The following FBXL7 variants were observed in gnomAD, a reference collection of about 807,000 sequenced individuals.
FBXL7 encodes the protein F-box and leucine rich repeat protein 7.
A neutral mutation model predicts 38.3 loss-of-function variants in FBXL7; 12 were observed. That is an observed-to-expected ratio of 0.31 (90% CI 0.20 to 0.51). The LOEUF (loss-of-function observed/expected upper bound fraction) is 0.51. Among genes scored for constraint, FBXL7 ranks in the 20% least tolerant of loss-of-function variants. FBXL7 has a pLI of 0.98. For synonymous variants in FBXL7, 297 were observed against 300.9 expected, an observed-to-expected ratio of 0.99 and a Z score of 0.13; for missense variants, 567 against 676.4, an observed-to-expected ratio of 0.84 and a Z score of 1.79.
chr5:15,660,427 G>A (rs1267478106), intron 2 of FBXL7, among the ~76,000 whole-genome samples: 1 of 152,196 alleles, frequency 6.6e-6, no homozygotes, highest in Non-Finnish European at 1.5e-5. Flanking sequence ...CGTGGTCTCG[G>A]CTCACTGCAA....
intron 2 of FBXL7, among the ~76,000 whole-genome samples, chr5:15,809,625 A>T (rs1737805216): frequency 6.6e-6 from 1 of 152,024 alleles, no homozygotes; most frequent in Non-Finnish European, 1.5e-5. Flanking sequence ...AATGCTTTAT[A>T]CTCCTAGAAA....
At chr5:15,714,722 G>A (rs529948205) in intron 2 of FBXL7, among the ~76,000 whole-genome samples, 9 of 151,986 alleles carry the variant, frequency 5.9e-5, no homozygotes, top group African/African-American at 1.4e-4. Flanking sequence ...GGTGGCGGGC[G>A]CCTGTAGTCC....
In FBXL7 at chr5:15,571,697, C is replaced by CT. The variant is rs1439726195; in HGVS notation, c.38-44286_38-44285insT. On this transcript the variant is annotated intron_variant, in intron 1 of 3. Transcript: ENST00000504595. ...TGGGTCTGGAGTTGCCCTGGGTCCA[C>CT]CTCAATGCCATAAGGGAAGAGTGCT... is the stretch of plus-strand genomic sequence containing the variant. 3.3e-4 allele frequency among the ~76,000 whole-genome samples: 50 copies of CT among 152,108 alleles called. 1 individual carries two copies. The highest frequency in any genetic ancestry group is 6.2e-4 in the South Asian group (3 of 4,824).
chr5:15,602,289 G>A (rs900197940), intron 1 of FBXL7: 16 of 151,928 alleles, frequency 1.1e-4, no homozygotes, highest in African/African-American at 3.9e-4. Context: ...TAGGTAGTTC[G>A]GAGGTTCTAC....
At chr5:15,849,851 G>C (rs984640885) in intron 2 of FBXL7, among the ~76,000 whole-genome samples, 1 of 152,106 alleles carries the variant, frequency 6.6e-6, no homozygotes, top group Non-Finnish European at 1.5e-5. Context: ...CTTCTGCCTC[G>C]TCTGTTTTTA....
At chr5:15,575,424 A>T (rs1045334710) in intron 1 of FBXL7, among the ~76,000 whole-genome samples, 3 of 152,152 alleles carry the variant, frequency 2.0e-5, no homozygotes, top group African/African-American at 7.2e-5. Context: ...TCACACAAAC[A>T]AGAGTGTTTT....
chr5:15,559,540 G>A (rs901851668), intron 1 of FBXL7, among the ~76,000 whole-genome samples: 4 of 152,164 alleles, frequency 2.6e-5, no homozygotes, highest in Non-Finnish European at 5.9e-5. Flanking sequence ...CTCTAAAAAC[G>A]ATCCTAAAAT....
At chr5:15,567,837 A>G (rs1005917652) in intron 1 of FBXL7, among the ~76,000 whole-genome samples, 3 of 151,868 alleles carry the variant, frequency 2.0e-5, no homozygotes, top group African/African-American at 4.8e-5. Context: ...ATGAGTGAGA[A>G]CATACAGTGT....
intron 1 of FBXL7, among the ~76,000 whole-genome samples, chr5:15,561,870 G>T (rs1379828378): frequency 1.3e-5 from 2 of 152,058 alleles, no homozygotes; most frequent in African/African-American, 2.4e-5. Flanking sequence ...CACATTTCTT[G>T]ATTTCAAATT....
chr5:15,588,940 A>G (rs931255628), intron 1 of FBXL7, among the ~76,000 whole-genome samples: 1 of 152,136 alleles, frequency 6.6e-6, no homozygotes, highest in Non-Finnish European at 1.5e-5. Context: ...TCCTTCTAAC[A>G]CAGCTAATCT....
intron 2 of FBXL7, among the ~76,000 whole-genome samples, chr5:15,889,236 A>G (rs190542592): frequency 1.3e-5 from 2 of 152,318 alleles, no homozygotes; most frequent in Admixed American, 1.3e-4. Flanking sequence ...TTCAGTGGTT[A>G]AAGATTCACA....
At chr5:15,582,699 T>G (rs1424285394) in intron 1 of FBXL7, among the ~76,000 whole-genome samples, 1 of 152,206 alleles carries the variant, frequency 6.6e-6, no homozygotes, top group Non-Finnish European at 1.5e-5. Context: ...TTCTGGGAAG[T>G]CTTAGGTGAA....
At chr5:15,922,301 T>A in intron 2 of FBXL7, among the ~76,000 whole-genome samples, 1 of 152,166 alleles carries the variant, frequency 6.6e-6, no homozygotes, top group Non-Finnish European at 1.5e-5. Flanking sequence ...GTTTTTTATG[T>A]GTTATGAAAA....
intron 2 of FBXL7, among the ~76,000 whole-genome samples, chr5:15,731,203 C>T (rs545847487): frequency 2.6e-5 from 4 of 152,208 alleles, no homozygotes; most frequent in East Asian, 1.9e-4. Flanking sequence ...TCTGTTTTCA[C>T]GCTGCTGATA....
chr5:15,776,092 TA>T (rs1277053105), intron 2 of FBXL7, among the ~76,000 whole-genome samples: 2 of 152,108 alleles, frequency 1.3e-5, no homozygotes, highest in African/African-American at 4.8e-5. Context: ...ATAGTGATAA[TA>T]ATAATATAAC....
At chr5:15,623,930 T>C (rs181711639) in intron 2 of FBXL7, among the ~76,000 whole-genome samples, 1 of 152,304 alleles carries the variant, frequency 6.6e-6, no homozygotes, top group Non-Finnish European at 1.5e-5. Context: ...GTGGCAAAGA[T>C]TATATCAGGG....
At chr5:15,823,009 A>G (rs1468723061) in intron 2 of FBXL7, among the ~76,000 whole-genome samples, 1 of 152,144 alleles carries the variant, frequency 6.6e-6, no homozygotes, top group Non-Finnish European at 1.5e-5. Flanking sequence ...TAAGTTGTCC[A>G]GGGCCCCGCA....
At chr5:15,840,907 A>G (rs1435942285) in intron 2 of FBXL7, among the ~76,000 whole-genome samples, 2 of 151,308 alleles carry the variant, frequency 1.3e-5, no homozygotes, top group African/African-American at 4.8e-5. Flanking sequence ...TATTTTTGAT[A>G]TAGATACTCA....
At chr5:15,710,558 C>T (rs567334646) in intron 2 of FBXL7, among the ~76,000 whole-genome samples, 24 of 152,178 alleles carry the variant, frequency 1.6e-4, no homozygotes, top group Admixed American at 7.2e-4. Flanking sequence ...CGTATGATGC[C>T]GTAATATTTT....
Sources: allele counts gnomAD v4.1 joint callset (sites outside exome capture counted in the v4.1 genomes callset), GRCh38; gene constraint gnomAD v4.1.1; transcripts MANE v1.5; gene names NCBI Gene and HGNC (gene_info 2026-07-23, HGNC 2026-07-21).